Variants in IL1RAP observed in about 807,000 individuals in gnomAD.
IL1RAP encodes the protein interleukin 1 receptor accessory protein, also known as interleukin-1 receptor accessory protein.
In IL1RAP, 35 loss-of-function variants were observed where a neutral mutation model predicts 60.7. The observed-to-expected ratio is 0.58, with a 90% CI of 0.44 to 0.76. The LOEUF (loss-of-function observed/expected upper bound fraction) is 0.76. Among genes scored for constraint, IL1RAP ranks in the 30% least tolerant of loss-of-function variants. IL1RAP has a pLI of 0.00. For missense variants in IL1RAP, 572 were observed against 693.9 expected (o/e 0.82, Z 1.97); for synonymous variants, 268 against 250.9 (o/e 1.07, Z -0.64).
chr3:190,651,680 A>G (rs1158931693), downstream of IL1RAP, among the ~76,000 whole-genome samples: 1 of 152,190 alleles, frequency 6.6e-6, no homozygotes, highest in African/African-American at 2.4e-5. Context: ...ACTTCTTATC[A>G]AGAACATTTT....
At chr3:190,631,937 A>G (rs946837848) in intron 9 of IL1RAP, among the ~76,000 whole-genome samples, 2 of 152,044 alleles carry the variant, frequency 1.3e-5, no homozygotes, top group Non-Finnish European at 2.9e-5. Flanking sequence ...AGTAGCTGGG[A>G]CTACACAGGC....
chr3:190,614,967 C>T (rs1010358526), intron 5 of IL1RAP, among the ~76,000 whole-genome samples: 1 of 151,952 alleles, frequency 6.6e-6, no homozygotes. Flanking sequence ...ACTGAGATTA[C>T]AGGAAACAGA....
chr3:190,543,066 G>T (rs1724082272), intron 1 of IL1RAP, among the ~76,000 whole-genome samples: 1 of 152,038 alleles, frequency 6.6e-6, no homozygotes, highest in Admixed American at 6.6e-5. Context: ...CAACTCTGTT[G>T]TTCAGTGTCA....
At chr3:190,543,800 G>A (rs967389961) in intron 1 of IL1RAP, among the ~76,000 whole-genome samples, 21 of 152,174 alleles carry the variant, frequency 1.4e-4, no homozygotes, top group African/African-American at 4.3e-4. Flanking sequence ...CTGCCAGATC[G>A]TGGGAGGATT....
At chr3:190,552,381 G>C (rs1241238321) in intron 1 of IL1RAP, among the ~76,000 whole-genome samples, 1 of 152,088 alleles carries the variant, frequency 6.6e-6, no homozygotes, top group Admixed American at 6.6e-5. Context: ...TTCACACAGG[G>C]AATTTTTGCA....
chr3:190,524,950 A>G (rs904080199), intron 1 of IL1RAP, among the ~76,000 whole-genome samples: 1 of 152,076 alleles, frequency 6.6e-6, no homozygotes, highest in Admixed American at 6.6e-5. Context: ...AGTGTTGAGT[A>G]TATATTTAAA....
At chr3:190,597,194 G>T (rs541464749) in intron 3 of IL1RAP, among the ~76,000 whole-genome samples, 3 of 152,108 alleles carry the variant, frequency 2.0e-5, no homozygotes, top group African/African-American at 7.2e-5. Context: ...ATATTAAGCC[G>T]ATGGATTGGG....
At chr3:190,567,101 T>C (rs1037906759) in intron 3 of IL1RAP, among the ~76,000 whole-genome samples, 2 of 152,150 alleles carry the variant, frequency 1.3e-5, no homozygotes, top group Non-Finnish European at 2.9e-5. Context: ...CATAAAAGCA[T>C]AAGAACTTAG....
intron 2 of IL1RAP, among the ~76,000 whole-genome samples, chr3:190,562,536 T>G (rs1000835675): frequency 3.3e-5 from 5 of 152,080 alleles, no homozygotes; most frequent in Admixed American, 2.6e-4. Context: ...TGTGGAAAAG[T>G]GCCTTTAGAG....
chr3:190,540,134 C>A (rs1156647771), intron 1 of IL1RAP, among the ~76,000 whole-genome samples: 1 of 152,016 alleles, frequency 6.6e-6, no homozygotes, highest in African/African-American at 2.4e-5. Context: ...TTAGAGAGAT[C>A]TAGGACATCT....
chr3:190,657,160 A>G (rs1350316177), exon 12 of IL1RAP: 1 of 152,250 alleles, frequency 6.6e-6, no homozygotes, highest in Non-Finnish European at 1.5e-5. Context: ...TAAACTGCCT[A>G]ACATTGTTAG....
At chr3:190,599,224 C>T (rs1051426237) in intron 3 of IL1RAP, among the ~76,000 whole-genome samples, 24 of 152,102 alleles carry the variant, frequency 1.6e-4, no homozygotes, top group Admixed American at 1.6e-3. Flanking sequence ...TATTCCCAAT[C>T]CTAGGTTTTC....
intron 1 of IL1RAP, among the ~76,000 whole-genome samples, chr3:190,515,576 C>T (rs969025610): frequency 6.6e-6 from 1 of 151,110 alleles, no homozygotes; most frequent in African/African-American, 2.4e-5. Context: ...ATGCTTAGCT[C>T]GAAATGTAAA....
At chr3:190,531,710 G>A (rs1171270291) in intron 1 of IL1RAP, among the ~76,000 whole-genome samples, 4 of 152,160 alleles carry the variant, frequency 2.6e-5, no homozygotes, top group Admixed American at 6.5e-5. Flanking sequence ...AGCAGCAAGT[G>A]AATTAAGAAA....
chr3:190,538,435 T>C (rs1489103579), intron 1 of IL1RAP, among the ~76,000 whole-genome samples: 1 of 152,192 alleles, frequency 6.6e-6, no homozygotes, highest in East Asian at 1.9e-4. Flanking sequence ...TGATAGAATC[T>C]GGCTTGTGAT....
exon 12 of IL1RAP, chr3:190,657,375 A>G (rs1734649792): frequency 6.6e-6 from 1 of 152,224 alleles, no homozygotes; most frequent in Non-Finnish European, 1.5e-5. Context: ...GTGGAAAATA[A>G]CCAAAAGAGA....
At chr3:190,634,905 C>A (rs537331172) in intron 9 of IL1RAP, among the ~76,000 whole-genome samples, 2 of 152,078 alleles carry the variant, frequency 1.3e-5, no homozygotes, top group African/African-American at 4.8e-5. Flanking sequence ...TCAGTAGAGA[C>A]GGGGTTTCAC....
intron 3 of IL1RAP, among the ~76,000 whole-genome samples, chr3:190,568,147 G>T (rs1318548038): frequency 1.3e-5 from 2 of 152,180 alleles, no homozygotes; most frequent in African/African-American, 4.8e-5. Context: ...CACACACACG[G>T]ATCTTTGAGA....
intron 3 of IL1RAP, among the ~76,000 whole-genome samples, chr3:190,568,429 C>A (rs1726614409): frequency 6.6e-6 from 1 of 152,154 alleles, no homozygotes; most frequent in African/African-American, 2.4e-5. Flanking sequence ...TAGGACTGTG[C>A]TCTGCTACTA....
Sources: allele counts gnomAD v4.1 joint callset (sites outside exome capture counted in the v4.1 genomes callset), GRCh38; gene constraint gnomAD v4.1.1; transcripts MANE v1.5; gene names NCBI Gene and HGNC (gene_info 2026-07-23, HGNC 2026-07-21).